XRCC5: variants seen among roughly 807,000 people sequenced by gnomAD.
The protein encoded by XRCC5 is DNA repair protein Ku80.
Under a neutral mutation model 95.7 loss-of-function variants are expected in XRCC5, and 12 were observed. The ratio of observed to expected loss-of-function variants is 0.13; its 90% CI spans 0.08 to 0.20. The LOEUF is 0.20. XRCC5 is among the 10% of genes least tolerant of loss of function. The pLI is 1.00. For synonymous variants in XRCC5, 281 were observed against 290.3 expected, an observed-to-expected ratio of 0.97 and a Z score of 0.33; for missense variants, 595 against 873.9, an observed-to-expected ratio of 0.68 and a Z score of 4.02.
At chr2:216,131,583 G>A (rs544943505) in intron 9 of XRCC5, among the ~76,000 whole-genome samples, 6 of 152,046 alleles carry the variant, frequency 3.9e-5, no homozygotes, top group Non-Finnish European at 8.8e-5. Flanking sequence ...TTAAGGGGGT[G>A]GGGGGAGAGA....
chr2:216,169,919 G>C (rs1387101864), intron 16 of XRCC5, among the ~76,000 whole-genome samples: 1 of 150,518 alleles, frequency 6.6e-6, no homozygotes, highest in African/African-American at 2.4e-5. Flanking sequence ...CGCACCTGTA[G>C]TCTCAGCTAC....
chr2:216,139,237 C>T (rs1697136378), intron 12 of XRCC5, among the ~76,000 whole-genome samples: 1 of 151,982 alleles, frequency 6.6e-6, no homozygotes, highest in Non-Finnish European at 1.5e-5. Flanking sequence ...GCCTCAAACT[C>T]CCTGTGTATT....
At chr2:216,186,943 G>T (rs1689503471) in intron 16 of XRCC5, among the ~76,000 whole-genome samples, 1 of 152,122 alleles carries the variant, frequency 6.6e-6, no homozygotes, top group South Asian at 2.1e-4. Context: ...AATGTGAAGT[G>T]CCACAAAACT....
chr2:216,114,792 A>C (rs552507271), intron 2 of XRCC5, among the ~76,000 whole-genome samples: 4 of 152,328 alleles, frequency 2.6e-5, no homozygotes, highest in South Asian at 2.1e-4. Context: ...AAGATGGTGA[A>C]CTTTAACTGG....
At chr2:216,203,843 C>G (rs1689890204) in intron 19 of XRCC5, among the ~76,000 whole-genome samples, 1 of 123,336 alleles carries the variant, frequency 8.1e-6, no homozygotes, top group South Asian at 2.8e-4. Flanking sequence ...GTAGATTATT[C>G]TAAGCTTTTT....
At chr2:216,119,954 A>G (rs1437859081) in intron 5 of XRCC5, among the ~76,000 whole-genome samples, 1 of 152,106 alleles carries the variant, frequency 6.6e-6, no homozygotes, top group Non-Finnish European at 1.5e-5. Flanking sequence ...TTCTGGGAAT[A>G]CTCGTTTTTC....
chr2:216,163,139 CT>C (rs35554087), intron 16 of XRCC5, among the ~76,000 whole-genome samples: 81,253 of 147,782 alleles, frequency 0.55, 22,212 homozygotes, highest in South Asian at 0.67. Flanking sequence ...AGGGGAATCA[CT>C]TTTTTTTTTT....
At chr2:216,160,226 A>G (rs1227810947) in intron 15 of XRCC5, 65 bp downstream of exon 15, 1 of 1,134,462 alleles carries the variant, frequency 8.8e-7, no homozygotes, top group African/African-American at 1.6e-5. Context: ...GGGAGAGTGC[A>G]TCAATTTTTG....
At chr2:216,140,436 G>T (rs890600273) in intron 12 of XRCC5, among the ~76,000 whole-genome samples, 3 of 152,188 alleles carry the variant, frequency 2.0e-5, no homozygotes, top group African/African-American at 7.2e-5. Flanking sequence ...ATTTTTGGGA[G>T]AATTGCCTTT....
chr2:216,141,979 G>A (rs1235954561), intron 13 of XRCC5, among the ~76,000 whole-genome samples: 2 of 151,846 alleles, frequency 1.3e-5, no homozygotes, highest in Non-Finnish European at 2.9e-5. Flanking sequence ...GCTTGAACCT[G>A]GGAGATGGAG....
intron 10 of XRCC5, 67 bp downstream of exon 10, chr2:216,132,454 G>A: frequency 6.7e-7 from 1 of 1,496,814 alleles, no homozygotes; most frequent in Middle Eastern, 1.7e-4. Flanking sequence ...AAAGCAAGTT[G>A]TTTGGGGCTT....
intron 16 of XRCC5, among the ~76,000 whole-genome samples, chr2:216,179,481 G>A (rs1689342151): frequency 6.6e-6 from 1 of 152,176 alleles, no homozygotes; most frequent in Non-Finnish European, 1.5e-5. Context: ...AAAAGTTAAA[G>A]CAGGATAGTG....
At chr2:216,190,991 G>A (rs912466246) in intron 17 of XRCC5, among the ~76,000 whole-genome samples, 1 of 152,166 alleles carries the variant, frequency 6.6e-6, no homozygotes, top group Admixed American at 6.5e-5. Flanking sequence ...AATACTTGGC[G>A]AACGTATGAA....
chr2:216,199,810 CTTTTTTTTTTTT>C (rs375975027), intron 19 of XRCC5, among the ~76,000 whole-genome samples: 3 of 120,274 alleles, frequency 2.5e-5, no homozygotes, highest in African/African-American at 6.3e-5. Context: ...GCATTGGGAT[CTTTTTTTTTTTT>C]TTTTTTTTTT....
chr2:216,175,933 T>A (rs1226646161), intron 16 of XRCC5: 1 of 370,226 alleles, frequency 2.7e-6, no homozygotes, highest in African/African-American at 2.2e-5. Context: ...TCAGCCGCGC[T>A]GGATTCCTTT....
At chr2:216,172,759 G>A (rs1689193478) in intron 16 of XRCC5, among the ~76,000 whole-genome samples, 1 of 152,074 alleles carries the variant, frequency 6.6e-6, no homozygotes, top group South Asian at 2.1e-4. Context: ...GAGCTGCCGT[G>A]CCTGGCCCAG....
At position 216,119,164 on chromosome 2, in the gene XRCC5, T is replaced by C; in HGVS notation, c.490T>C (p.Phe164Leu). The change falls in exon 5 of 21, where the codon TTC becomes CTC. Residue 164 changes from phenylalanine (F) to leucine (L), a missense_variant and splice_region_variant. By Grantham distance (22) the Phe-to-Leu change is conservative (BLOSUM62 0). Transcript: ENST00000392132. ...GAAATGTGACATCTCCCTGCAATTC[T>C]TGTAAGATCCTAAGAATAATGCATG... ...LKKCDISLQF[F>L]LPFSLGKEDG... The C allele has an allele frequency of 6.2e-7, 1 of 1,614,040 alleles. No individual in the cohort carries two copies. The highest frequency in any genetic ancestry group is 8.5e-7 in the Non-Finnish European group (1 of 1,179,944).
intron 3 of XRCC5, 111 bp from the exon 4 acceptor site, chr2:216,117,635 C>T: frequency 9.6e-7 from 1 of 1,043,588 alleles, no homozygotes; most frequent in Non-Finnish European, 1.5e-6. Flanking sequence ...TACTTTAAGT[C>T]ATCACATAGT....
At chr2:216,115,806 T>C (rs568854997) in intron 2 of XRCC5, among the ~76,000 whole-genome samples, 81 of 130,662 alleles carry the variant, frequency 6.2e-4, no homozygotes, top group African/African-American at 2.0e-3. Context: ...TTCATATTTG[T>C]TTGATTTTTT....
Sources: gnomAD v4.1 joint callset for allele counts (sites outside exome capture counted in the v4.1 genomes callset) on GRCh38, gnomAD v4.1.1 for gene constraint, MANE v1.5 for transcripts, NCBI Gene and HGNC (gene_info 2026-07-23, HGNC 2026-07-21) for gene names.